ARHGAP22: variants seen among roughly 807,000 people sequenced by gnomAD.
The protein encoded by ARHGAP22 is Rho GTPase activating protein 22.
ARHGAP22 carries 48 observed loss-of-function variants against 59.1 expected under a neutral mutation model. The ratio of observed to expected loss-of-function variants is 0.81; its 90% CI spans 0.64 to 1.03. ARHGAP22 has a LOEUF of 1.03. Ranked by LOEUF, ARHGAP22 falls within the 50% of genes least tolerant of loss-of-function variation. ARHGAP22 has a pLI of 0.00. For missense variants in ARHGAP22, 1,015 were observed against 958.7 expected (o/e 1.06, Z -0.78); for synonymous variants, 445 against 416.4 (o/e 1.07, Z -0.84).
chr10:48,577,734 C>T (rs12773970), intron 2 of ARHGAP22, among the ~76,000 whole-genome samples: 1 of 149,182 alleles, frequency 6.7e-6, no homozygotes, highest in Admixed American at 6.7e-5. Flanking sequence ...ACAGCTGAGT[C>T]GGGGCGGGCA....
In ARHGAP22 at chr10:48,555,646, G is replaced by A. The variant is rs2057256272; in HGVS notation, c.235-96C>T. 1.1e-5 allele frequency: 13 copies of A among 1,165,130 alleles called. 1 individual carries two copies. The Admixed American group carries it at 1.7e-4, about 15-fold the overall frequency. The allele number at this position is 1,165,130 out of a possible 1,614,324, so 72.2% of individuals were successfully genotyped here. On this transcript the variant is annotated intron_variant, in intron 2 of 9. Transcript: ENST00000249601. ...CTGGAGAGGAGAGGTTAGGACCTGGGGCCCTCCAGGCCATGGCTGGGAAGG... is the reference window on the plus strand; with the variant it reads ...CTGGAGAGGAGAGGTTAGGACCTGGAGCCCTCCAGGCCATGGCTGGGAAGG...
intron 1 of ARHGAP22, among the ~76,000 whole-genome samples, chr10:48,646,489 G>A (rs1038765993): frequency 6.6e-6 from 1 of 152,158 alleles, no homozygotes. Context: ...AGGTCTACAG[G>A]TCAATAGAAT....
rs546871553 is a variant in ARHGAP22 at position 48,465,310 on chromosome 10, C to A, written c.452-5419G>T. On this transcript the variant is annotated intron_variant, in intron 4 of 9. Transcript: ENST00000249601. ...TGAACTTGCTGCCAGGCCTCCCCCG[C>A]CAGCGTTCCCCTGGCAAAGCCGTCC... is the stretch of plus-strand genomic sequence containing the variant. 6.4e-4 allele frequency among the ~76,000 whole-genome samples: 98 copies of A among 152,220 alleles called. 1 individual carries two copies. The highest frequency in any genetic ancestry group is 1.1e-3 in the Non-Finnish European group (76 of 68,024).
intron 2 of ARHGAP22, among the ~76,000 whole-genome samples, chr10:48,559,412 C>G (rs2057538315): frequency 6.6e-6 from 1 of 152,208 alleles, no homozygotes; most frequent in South Asian, 2.1e-4. Flanking sequence ...TAATGCATCT[C>G]TAGCGCCATA....
intron 3 of ARHGAP22, among the ~76,000 whole-genome samples, chr10:48,522,475 A>C (rs1286222147): frequency 1.3e-5 from 2 of 152,326 alleles, no homozygotes. Context: ...CTGCTTAATG[A>C]GTCTATGTCC....
chr10:48,598,351 G>T (rs2060191340), intron 1 of ARHGAP22, among the ~76,000 whole-genome samples: 1 of 152,182 alleles, frequency 6.6e-6, no homozygotes, highest in African/African-American at 2.4e-5. Context: ...CTAAGGGCTG[G>T]GTGGAGGGTG....
chr10:48,639,406 A>G (rs1244425706), intron 1 of ARHGAP22, among the ~76,000 whole-genome samples: 2 of 152,252 alleles, frequency 1.3e-5, no homozygotes, highest in East Asian at 1.9e-4. Context: ...CAGAGGTTAT[A>G]TGAAAGGTCC....
At chr10:48,556,658 T>G (rs1253498764) in intron 2 of ARHGAP22, 1 of 152,242 alleles carries the variant, frequency 6.6e-6, no homozygotes, top group East Asian at 1.9e-4. Flanking sequence ...TAAAGTACTT[T>G]GTAGGGATAT....
At chr10:48,556,501 A>G (rs907144448) in intron 2 of ARHGAP22, 1 of 152,174 alleles carries the variant, frequency 6.6e-6, no homozygotes, top group Non-Finnish European at 1.5e-5. Context: ...GTATGGCTTC[A>G]CTACATATTT....
intron 1 of ARHGAP22, among the ~76,000 whole-genome samples, chr10:48,610,334 A>G (rs1446760162): frequency 6.6e-6 from 1 of 152,156 alleles, no homozygotes; most frequent in Non-Finnish European, 1.5e-5. Flanking sequence ...CATACCGAGC[A>G]AGAGAGTTCA....
intron 1 of ARHGAP22, among the ~76,000 whole-genome samples, chr10:48,592,382 G>A (rs1445164): frequency 0.13 from 19,353 of 152,166 alleles, 1,876 homozygotes; most frequent in East Asian, 0.54. Flanking sequence ...TTACCACGTT[G>A]GCAATGACTC....
chr10:48,607,801 G>T (rs1176866287), upstream of ARHGAP22, among the ~76,000 whole-genome samples: 1 of 152,166 alleles, frequency 6.6e-6, no homozygotes, highest in Non-Finnish European at 1.5e-5. Flanking sequence ...CCTTCACCTG[G>T]CTTCCTGCCT....
At chr10:48,577,801 G>GTGTTTTTTTTTTT (rs1838045212) in intron 2 of ARHGAP22, among the ~76,000 whole-genome samples, 1 of 59,142 alleles carries the variant, frequency 1.7e-5, no homozygotes, top group Non-Finnish European at 2.9e-5. Flanking sequence ...CTCTTTTTTG[G>GTGTTTTTTTTTTT]TTTTTTTTTT....
In ARHGAP22 at chr10:48,652,206, C is replaced by T. The variant is rs1486155393; in HGVS notation, c.52+28G>A. ...AAGTCAAATGCAAAGGTAATCATTT[C>T]CCACATAGAACATAAAAAAATTCTT... On this transcript the variant is annotated intron_variant, in intron 1 of 9. Coordinates refer to the ARHGAP22 transcript ENST00000435790. The T allele has an allele frequency of 5.2e-6, 8 of 1,527,182 alleles. No individual in the cohort carries two copies. In the African/African-American group the frequency reaches 9.6e-5, roughly 18 times the overall value. 94.6% of individuals were successfully genotyped at this position (1,527,182 alleles called of 1,614,324 possible).
chr10:48,512,769 A>G (rs1391919659), intron 3 of ARHGAP22, among the ~76,000 whole-genome samples: 1 of 152,214 alleles, frequency 6.6e-6, no homozygotes, highest in East Asian at 1.9e-4. Context: ...CCCAGCTCCA[A>G]GCTTCCAGAG....
At chr10:48,617,020 C>T (rs571396578) in intron 1 of ARHGAP22, among the ~76,000 whole-genome samples, 2 of 152,042 alleles carry the variant, frequency 1.3e-5, no homozygotes, top group East Asian at 3.9e-4. Flanking sequence ...CATTAATAGG[C>T]CCACAATGTA....
intron 3 of ARHGAP22, among the ~76,000 whole-genome samples, chr10:48,552,930 G>C (rs907937116): frequency 6.6e-5 from 10 of 152,218 alleles, no homozygotes; most frequent in Non-Finnish European, 1.5e-4. Context: ...CCAGGCTCCT[G>C]TACCTGCCAG....
At chr10:48,586,627 G>A (rs561455752) in intron 1 of ARHGAP22, among the ~76,000 whole-genome samples, 1 of 152,176 alleles carries the variant, frequency 6.6e-6, no homozygotes, top group Admixed American at 6.5e-5. Context: ...TTATGCCAAT[G>A]TGCCACTTTC....
chr10:48,489,296 C>A (rs1222097994), intron 3 of ARHGAP22, among the ~76,000 whole-genome samples: 1 of 152,178 alleles, frequency 6.6e-6, no homozygotes, highest in Non-Finnish European at 1.5e-5. Context: ...CCCCATTTGA[C>A]AGGTGGAAAA....
Sources: gnomAD v4.1 joint callset for allele counts (sites outside exome capture counted in the v4.1 genomes callset) on GRCh38, gnomAD v4.1.1 for gene constraint, MANE v1.5 for transcripts, NCBI Gene and HGNC (gene_info 2026-07-23, HGNC 2026-07-21) for gene names.